Variants in ASB18 observed in about 807,000 individuals in gnomAD.
The protein encoded by ASB18 is ankyrin repeat and SOCS box containing 18.
A neutral mutation model predicts 33.4 loss-of-function variants in ASB18; 33 were observed. That is an observed-to-expected ratio of 0.99 (90% CI 0.75 to 1.32). The LOEUF (loss-of-function observed/expected upper bound fraction) is 1.32, where lower values mean the gene tolerates loss of function less well. Ranked by LOEUF, ASB18 falls within the 40% of genes most tolerant of loss-of-function variation. The probability of loss-of-function intolerance (pLI) is 0.00; values close to 1 mark genes in which losing one functional copy is unlikely to be tolerated. For missense variants in ASB18, 694 were observed against 655.5 expected, an observed-to-expected ratio of 1.06 and a Z score of -0.64; for synonymous variants, 295 against 307.6, an observed-to-expected ratio of 0.96 and a Z score of 0.43.
At chr2:236,206,543 C>G (rs2060434652) in intron 4 of ASB18, among the ~76,000 whole-genome samples, 1 of 152,194 alleles carries the variant, frequency 6.6e-6, no homozygotes, top group African/African-American at 2.4e-5. Context: ...CATCCAGACA[C>G]TGAAACAACC....
rs1158788466 is a variant in ASB18, at chr2:236,256,906, T to C, written c.205+7235A>G. Reference sequence around the variant, plus strand: ...GGGGAAAAAAAAAGAGCCTAGGGTGTGTGTCTCGTAGAAAGCAAAGAAACA... The same window carrying C: ...GGGGAAAAAAAAAGAGCCTAGGGTGCGTGTCTCGTAGAAAGCAAAGAAACA... On this transcript the variant is annotated intron_variant, in intron 1 of 5. Coordinates refer to ENST00000409749, the MANE Select transcript of ASB18 (RefSeq NM_212556.4). The surrounding 1 kb of genome is among the most constrained non-coding windows in gnomAD (Gnocchi z 4.7). Among the ~76,000 whole-genome samples the C allele has an allele frequency of 6.6e-6, 1 of 152,120 alleles. No homozygotes were observed. The highest frequency in any genetic ancestry group is 2.4e-5 in the African/African-American group (1 of 41,438).
Position 236,205,526 on chromosome 2 carries a change from G to A in ASB18, c.1101+8836C>T, listed in dbSNP as rs1466246549. ...ATCACTTTTTTGGTCTGTTGATCATGCTCAATATTTAATGCCTGTCTTCCC... is the reference window on the plus strand; with the variant it reads ...ATCACTTTTTTGGTCTGTTGATCATACTCAATATTTAATGCCTGTCTTCCC... On this transcript the variant is annotated intron_variant, in intron 4 of 5. Coordinates refer to ENST00000409749, the MANE Select transcript of ASB18 (RefSeq NM_212556.4). The surrounding 1 kb of genome is among the most constrained non-coding windows in gnomAD (Gnocchi z 5.4). 6.6e-6 allele frequency among the ~76,000 whole-genome samples: 1 copy of A among 152,198 alleles called. No individual in the cohort carries two copies. The highest frequency in any genetic ancestry group is 1.5e-5 in the Non-Finnish European group (1 of 68,042).
rs1341598024 is a variant in ASB18, at chr2:236,259,586, A to T, written c.205+4555T>A. ...ACCTCCCCTGCATGGGGTCGGAAGG[A>T]TGAGATGGCAAAGGTGAGCAGAGGA... On this transcript the variant is annotated intron_variant, in intron 1 of 5. Coordinates refer to ENST00000409749, the MANE Select transcript of ASB18 (RefSeq NM_212556.4). The surrounding 1 kb of genome is among the most constrained non-coding windows in gnomAD (Gnocchi z 4.4). 1 of 471,050 alleles carries T rather than the reference A, an allele frequency of 2.1e-6. No homozygotes were observed. The highest frequency in any genetic ancestry group is 2.0e-5 in the African/African-American group (1 of 50,096). 29.2% of individuals were successfully genotyped at this position (471,050 alleles called of 1,614,324 possible). A position where few individuals can be genotyped will look rare whatever the true frequency, so the allele number is the denominator to read the frequency against.
At position 236,239,417 on chromosome 2, in the gene ASB18, C is replaced by T. The variant is rs1032970440; in HGVS notation, c.329-1461G>A. On this transcript the variant is annotated intron_variant, in intron 2 of 5. Coordinates refer to ENST00000409749, the MANE Select transcript of ASB18 (RefSeq NM_212556.4). This position sits in a 1 kb window ranked among gnomAD's most constrained non-coding sequence, Gnocchi z 5.6. ...GCCAGCACCGTCTCCAGGTCCTTGGCGATGCAGTCAGGAAGTCTGAATCAG... is the reference window on the plus strand; with the variant it reads ...GCCAGCACCGTCTCCAGGTCCTTGGTGATGCAGTCAGGAAGTCTGAATCAG... Among the ~76,000 whole-genome samples the T allele has an allele frequency of 3.9e-5, 6 of 152,120 alleles. 1 individual carries two copies. Among genetic ancestry groups the T allele is most frequent in the African/African-American group, 9.6e-5 (4 of 41,504 alleles).
chr2:236,217,469 GCTTTGTT>G lies in ASB18; in HGVS notation c.597-2610_597-2604del, dbSNP rs1432634384. Among the ~76,000 whole-genome samples, 3 of 151,754 alleles carry G rather than the reference GCTTTGTT, an allele frequency of 2.0e-5. No homozygotes were observed. The highest frequency in any genetic ancestry group is 4.4e-5 in the Non-Finnish European group (3 of 67,990). On this transcript the variant is annotated intron_variant, in intron 3 of 5. Coordinates refer to ENST00000409749, the MANE Select transcript of ASB18 (RefSeq NM_212556.4). This position sits in a 1 kb window ranked among gnomAD's most constrained non-coding sequence, Gnocchi z 5.2. ...CAACTCCTTGGGTGTAGAAATGGAG[GCTTTGTT>G]TATCTCTGATTCCCAGTGCCTATCA...
In ASB18 at chr2:236,261,473, C is replaced by T. The variant is rs117981781; in HGVS notation, c.205+2668G>A. Among the ~76,000 whole-genome samples, 10 of 152,314 alleles carry T rather than the reference C, an allele frequency of 6.6e-5. No homozygotes were observed. The East Asian group carries it at 1.9e-3, about 29-fold the overall frequency. The stretch of plus-strand genomic sequence containing the variant: ...ACGTCTGACCGTGTTGCTCCCTGCA[C>T]CCTTGTCCTGAAGTCCAGCCTGCTT... On this transcript the variant is annotated intron_variant, in intron 1 of 5. Transcript: ENST00000409749.
rs1342510303 is a variant in ASB18, at chr2:236,244,888, G to A, written c.206-3486C>T. On this transcript the variant is annotated intron_variant, in intron 1 of 5. Coordinates refer to ENST00000409749, the MANE Select transcript of ASB18 (RefSeq NM_212556.4). The surrounding 1 kb of genome is among the most constrained non-coding windows in gnomAD (Gnocchi z 6.1). ...GTTCTGACCCCTGTTACAGGCATGA[G>A]TTTATGTGCACAGACTGACCCAAGG... Among the ~76,000 whole-genome samples the A allele has an allele frequency of 5.3e-5, 8 of 152,216 alleles. No individual in the cohort carries two copies. The highest frequency in any genetic ancestry group is 1.0e-4 in the Non-Finnish European group (7 of 68,040).
chr2:236,202,814 T>TATAC (rs1472095135), intron 4 of ASB18, among the ~76,000 whole-genome samples: 47 of 126,594 alleles, frequency 3.7e-4, no homozygotes, highest in African/African-American at 1.4e-3. Flanking sequence ...TATATATATA[T>TATAC]ACACACACCT....
rs180804550 is a variant in ASB18, at chr2:236,245,211, T to C, written c.206-3809A>G. On this transcript the variant is annotated intron_variant, in intron 1 of 5. Transcript: ENST00000409749. The surrounding 1 kb of genome is among the most constrained non-coding windows in gnomAD (Gnocchi z 4.7). The stretch of plus-strand genomic sequence containing the variant: ...AGCTCTGGGGCTGCAGAAGGGCCCA[T>C]TGGGCTTAGCTCTTGTGGGGTCAGG... Among the ~76,000 whole-genome samples the C allele has an allele frequency of 4.9e-3, 743 of 152,318 alleles. 6 individuals are homozygous for C. Among genetic ancestry groups the C allele is most frequent in the Non-Finnish European group, 7.5e-3 (511 of 68,026 alleles).
chr2:236,207,836 T>G (rs77770621), intron 4 of ASB18, among the ~76,000 whole-genome samples: 1 of 139,532 alleles, frequency 7.2e-6, no homozygotes, highest in Admixed American at 7.0e-5. Context: ...TTTTTTTTTT[T>G]GGTAATGTCT....
Position 236,195,019 on chromosome 2 carries a change from G to A in ASB18, c.1254C>T (p.Ala418=), listed in dbSNP as rs1331040517. 1 of 1,613,518 alleles carries A rather than the reference G, an allele frequency of 6.2e-7. No individual in the cohort carries two copies. The highest frequency in any genetic ancestry group is 8.5e-7 in the Non-Finnish European group (1 of 1,179,728). ...GATGCTGCAGGCAGCGTGGGGTGAGGGCCAAGGCAAAGAGGGACTGGTAGA... is the reference window on the plus strand; with the variant it reads ...GATGCTGCAGGCAGCGTGGGGTGAGAGCCAAGGCAAAGAGGGACTGGTAGA... ...KPFYQSLFAL[A]LTPRCLQHLC... The change falls in exon 6 of 6, where the codon GCC becomes GCT. Residue 418 remains alanine (A), a synonymous_variant. Transcript: ENST00000409749. The surrounding 1 kb of genome is among the most constrained non-coding windows in gnomAD (Gnocchi z 5.5).
chr2:236,220,956 A>G lies in ASB18; in HGVS notation c.597-6090T>C, dbSNP rs1369921989. On this transcript the variant is annotated intron_variant, in intron 3 of 5. Coordinates refer to ENST00000409749, the MANE Select transcript of ASB18 (RefSeq NM_212556.4). This position sits in a 1 kb window ranked among gnomAD's most constrained non-coding sequence, Gnocchi z 5.1. ...AGGACACTGAAGGCAGGGCAAGGCG[A>G]CCCATGGACCTCATTCTACGGGGTG... Among the ~76,000 whole-genome samples, 2 of 152,212 alleles carry G rather than the reference A, an allele frequency of 1.3e-5. No homozygotes were observed. The highest frequency in any genetic ancestry group is 3.9e-4 in the East Asian group (2 of 5,170).
rs1011688827 is a variant in ASB18 at position 236,262,616 on chromosome 2, G to A, written c.205+1525C>T. On this transcript the variant is annotated intron_variant, in intron 1 of 5. Coordinates refer to ENST00000409749, the MANE Select transcript of ASB18 (RefSeq NM_212556.4). The surrounding 1 kb of genome is among the most constrained non-coding windows in gnomAD (Gnocchi z 5.2). ...CAGCCTCGGGGGGGTGCTTGGGCAC[G>A]GTGGGCCTAAAGGGTGAATGCAAGA... Among the ~76,000 whole-genome samples the A allele has an allele frequency of 3.3e-5, 5 of 152,096 alleles. No individual in the cohort carries two copies. Among genetic ancestry groups the A allele is most frequent in the African/African-American group, 7.3e-5 (3 of 41,372 alleles).
rs1332016422 is a variant in ASB18 at position 236,225,742 on chromosome 2, T to A, written c.597-10876A>T. 6.6e-6 allele frequency among the ~76,000 whole-genome samples: 1 copy of A among 152,164 alleles called. No homozygotes were observed. Among genetic ancestry groups the A allele is most frequent in the East Asian group, 1.9e-4 (1 of 5,190 alleles). ...CTAGATTAAAGCTCTGATATCCCTT[T>A]CAGTGTGTTGAATTCTGAATTCTGA... On this transcript the variant is annotated intron_variant, in intron 3 of 5. Coordinates refer to ENST00000409749, the MANE Select transcript of ASB18 (RefSeq NM_212556.4). The surrounding 1 kb of genome is among the most constrained non-coding windows in gnomAD (Gnocchi z 5.1).
rs1171064885 is a variant in ASB18, at chr2:236,229,994, T to C, written c.596+7695A>G. On this transcript the variant is annotated intron_variant, in intron 3 of 5. Coordinates refer to ENST00000409749, the MANE Select transcript of ASB18 (RefSeq NM_212556.4). This position sits in a 1 kb window ranked among gnomAD's most constrained non-coding sequence, Gnocchi z 5.2. ...TAAAACTAGGAGTTTGAGACCACCCTGGGCAGCAAAACAAGACCTCAACTC... is the reference window on the plus strand; with the variant it reads ...TAAAACTAGGAGTTTGAGACCACCCCGGGCAGCAAAACAAGACCTCAACTC... Among the ~76,000 whole-genome samples, 1 of 152,044 alleles carries C rather than the reference T, an allele frequency of 6.6e-6. No individual in the cohort carries two copies. The highest frequency in any genetic ancestry group is 1.9e-4 in the East Asian group (1 of 5,182).
At chr2:236,199,396 G>A (rs58603633) in intron 4 of ASB18, among the ~76,000 whole-genome samples, 24,619 of 145,126 alleles carry the variant, frequency 0.17, 2,098 homozygotes, top group South Asian at 0.24. Context: ...TGGGTGACAG[G>A]GTGAGACTCT....
At position 236,252,796 on chromosome 2, in the gene ASB18, G is replaced by A. The variant is rs2060674123; in HGVS notation, c.205+11345C>T. On this transcript the variant is annotated intron_variant, in intron 1 of 5. Coordinates refer to ENST00000409749, the MANE Select transcript of ASB18 (RefSeq NM_212556.4). The surrounding 1 kb of genome is among the most constrained non-coding windows in gnomAD (Gnocchi z 7.9). Reference sequence around the variant, plus strand: ...GAGGAGGGGCCTAGATCCTTTGGTGGACACAGAGATGAACCACCCAGGCCC... The same window carrying A: ...GAGGAGGGGCCTAGATCCTTTGGTGAACACAGAGATGAACCACCCAGGCCC... Among the ~76,000 whole-genome samples, 1 of 152,140 alleles carries A rather than the reference G, an allele frequency of 6.6e-6. No individual in the cohort carries two copies. Among genetic ancestry groups the A allele is most frequent in the Non-Finnish European group, 1.5e-5 (1 of 68,022 alleles).
rs1275485804 is a variant in ASB18, at chr2:236,194,558, C to A, written c.*314G>T. 6.6e-6 allele frequency among the ~76,000 whole-genome samples: 1 copy of A among 152,182 alleles called. No homozygotes were observed. Among genetic ancestry groups the A allele is most frequent in the African/African-American group, 2.4e-5 (1 of 41,452 alleles). On this transcript the variant is annotated 3_prime_UTR_variant, in exon 6 of 6. Transcript: ENST00000409749. This position sits in a 1 kb window ranked among gnomAD's most constrained non-coding sequence, Gnocchi z 4.5. ...CTGGTTCCCTAGAACCTATCGAAGA[C>A]CTTAAGTGAGGACTCACTGTACCTT...
chr2:236,254,177 A>G (rs2060681653), intron 1 of ASB18: 1 of 152,204 alleles, frequency 6.6e-6, no homozygotes, highest in African/African-American at 2.4e-5. Flanking sequence ...ATAAAACTTT[A>G]TTCATAAAAA....
Sources: allele counts gnomAD v4.1 joint callset (sites outside exome capture counted in the v4.1 genomes callset), GRCh38; gene constraint gnomAD v4.1.1; non-coding constraint Gnocchi (gnomAD v3.1); transcripts MANE v1.5; gene names NCBI Gene and HGNC (gene_info 2026-07-23, HGNC 2026-07-21).